The following PHACTR1 variants were observed in gnomAD, a reference collection of about 807,000 sequenced individuals.
The protein encoded by PHACTR1 is RPEL repeat containing 1.
In PHACTR1, 16 loss-of-function variants were observed where a neutral mutation model predicts 69.2. The observed-to-expected ratio is 0.23, with a 90% confidence interval of 0.16 to 0.35. The LOEUF (loss-of-function observed/expected upper bound fraction) is 0.35. PHACTR1 is among the 10% of genes least tolerant of loss of function. PHACTR1 has a pLI of 1.00. For synonymous variants in PHACTR1, 312 were observed against 284.5 expected (o/e 1.10, Z -0.97); for missense variants, 510 against 734.7 (o/e 0.69, Z 3.54).
chr6:12,717,227 A>T (rs1304210434), intron 1 of PHACTR1, among the ~76,000 whole-genome samples: 1 of 152,184 alleles, frequency 6.6e-6, no homozygotes, highest in Non-Finnish European at 1.5e-5. Flanking sequence ...TAGGGTAATA[A>T]CTGGTGCCCC....
At chr6:12,781,201 G>A (rs560416872) in intron 4 of PHACTR1, among the ~76,000 whole-genome samples, 38 of 152,248 alleles carry the variant, frequency 2.5e-4, no homozygotes, top group African/African-American at 8.4e-4. Context: ...AGACCTAGAG[G>A]CATCCCCTGC....
chr6:13,151,749 A>G (rs1238066894), intron 5 of PHACTR1, among the ~76,000 whole-genome samples: 3 of 152,208 alleles, frequency 2.0e-5, no homozygotes, highest in African/African-American at 7.2e-5. Flanking sequence ...TGGTATTTGT[A>G]TATGGTCTGG....
chr6:13,043,678 A>G (rs1339306776), intron 4 of PHACTR1, among the ~76,000 whole-genome samples: 1 of 152,252 alleles, frequency 6.6e-6, no homozygotes, highest in African/African-American at 2.4e-5. Flanking sequence ...TATTTGGCTT[A>G]ACAGAAAGAG....
chr6:13,059,554 T>G (rs1223948088), intron 5 of PHACTR1, among the ~76,000 whole-genome samples: 1 of 151,786 alleles, frequency 6.6e-6, no homozygotes, highest in East Asian at 1.9e-4. Flanking sequence ...ATTACCTTGA[T>G]TGTGGTGATG....
intron 4 of PHACTR1, among the ~76,000 whole-genome samples, chr6:12,887,143 T>C (rs1783721821): frequency 6.6e-6 from 1 of 152,172 alleles, no homozygotes; most frequent in South Asian, 2.1e-4. Flanking sequence ...CTCCTTTTAC[T>C]TTACTTCAGC....
chr6:13,027,173 C>G (rs1385540716), intron 4 of PHACTR1, among the ~76,000 whole-genome samples: 2 of 152,114 alleles, frequency 1.3e-5, no homozygotes, highest in Admixed American at 1.3e-4. Flanking sequence ...CGAGTACCTG[C>G]TCCTTTGGTC....
At chr6:12,891,405 T>C (rs1306729545) in intron 4 of PHACTR1, among the ~76,000 whole-genome samples, 2 of 152,224 alleles carry the variant, frequency 1.3e-5, no homozygotes, top group Non-Finnish European at 2.9e-5. Context: ...CCTCCCTAAA[T>C]GTTCTGACTT....
chr6:13,078,311 CCTGT>C (rs1238355134), intron 5 of PHACTR1, among the ~76,000 whole-genome samples: 14 of 152,268 alleles, frequency 9.2e-5, no homozygotes, highest in Admixed American at 9.2e-4. Context: ...TCCCTGTGTG[CCTGT>C]CTGTCTCCAA....
chr6:12,946,759 C>G (rs1267464606), intron 4 of PHACTR1, among the ~76,000 whole-genome samples: 2 of 149,442 alleles, frequency 1.3e-5, no homozygotes, highest in Non-Finnish European at 3.0e-5. Context: ...GTAGAGGGCT[C>G]AGAGTCAAAA....
At chr6:13,169,467 G>A (rs2113623631) in intron 6 of PHACTR1, among the ~76,000 whole-genome samples, 1 of 152,230 alleles carries the variant, frequency 6.6e-6, no homozygotes, top group East Asian at 1.9e-4. Flanking sequence ...AAATAAGGTG[G>A]CCCTGATAGA....
chr6:12,780,086 G>T (rs1002212564), intron 4 of PHACTR1, among the ~76,000 whole-genome samples: 1 of 152,154 alleles, frequency 6.6e-6, no homozygotes, highest in Non-Finnish European at 1.5e-5. Context: ...TGCTGGAGGT[G>T]GAAGCCAGGA....
At chr6:13,220,015 A>G (rs1171459454) in intron 8 of PHACTR1, among the ~76,000 whole-genome samples, 1 of 152,140 alleles carries the variant, frequency 6.6e-6, no homozygotes, top group East Asian at 1.9e-4. Context: ...TTCATAAACA[A>G]TCAAGATAAT....
At chr6:12,772,528 G>A (rs554744897) in intron 4 of PHACTR1, among the ~76,000 whole-genome samples, 13 of 152,164 alleles carry the variant, frequency 8.5e-5, no homozygotes, top group African/African-American at 3.1e-4. Flanking sequence ...AAGATATTTT[G>A]TGCCTACTTT....
At chr6:12,794,881 G>A (rs988533426) in intron 4 of PHACTR1, among the ~76,000 whole-genome samples, 7 of 152,100 alleles carry the variant, frequency 4.6e-5, no homozygotes, top group African/African-American at 1.7e-4. Context: ...GATGACAGAG[G>A]GCATTGTAGG....
At chr6:12,761,347 T>C (rs1162009345) in intron 4 of PHACTR1, among the ~76,000 whole-genome samples, 1 of 152,224 alleles carries the variant, frequency 6.6e-6, no homozygotes, top group Non-Finnish European at 1.5e-5. Context: ...TACAGCCTAA[T>C]AGCCCAGAAA....
At chr6:12,849,934 A>G (rs1386946291) in intron 4 of PHACTR1, among the ~76,000 whole-genome samples, 1 of 152,212 alleles carries the variant, frequency 6.6e-6, no homozygotes, top group Non-Finnish European at 1.5e-5. Flanking sequence ...ATTCAAAATT[A>G]GGTGAGTCAT....
chr6:13,283,390 C>A lies in PHACTR1; in HGVS notation c.1510-32C>A. ...CAAGTGCCATGGTCAACCCTTCTGGCTGACTGGGTCCATCTCTCTCCCTCC... is the reference window on the plus strand; with the variant it reads ...CAAGTGCCATGGTCAACCCTTCTGGATGACTGGGTCCATCTCTCTCCCTCC... On this transcript the variant is annotated intron_variant, in intron 12 of 14. Coordinates refer to ENST00000332995, the MANE Select transcript of PHACTR1 (RefSeq NM_030948.6). The surrounding 1 kb of genome is among the most constrained non-coding windows in gnomAD (Gnocchi z 4.7). 1 of 1,609,698 alleles carries A rather than the reference C, an allele frequency of 6.2e-7. No homozygotes were observed. The highest frequency in any genetic ancestry group is 1.1e-5 in the South Asian group (1 of 90,916).
At chr6:12,815,497 A>G (rs1775481467) in intron 4 of PHACTR1, among the ~76,000 whole-genome samples, 1 of 152,224 alleles carries the variant, frequency 6.6e-6, no homozygotes, top group South Asian at 2.1e-4. Flanking sequence ...AGTGGTTGCT[A>G]ATGAAGCTTA....
chr6:12,904,743 A>G (rs1337044159), intron 4 of PHACTR1, among the ~76,000 whole-genome samples: 1 of 151,998 alleles, frequency 6.6e-6, no homozygotes, highest in African/African-American at 2.4e-5. Flanking sequence ...CACAATCAGA[A>G]CCCCATCCAA....
Sources: gnomAD v4.1 joint callset for allele counts (sites outside exome capture counted in the v4.1 genomes callset) on GRCh38, gnomAD v4.1.1 for gene constraint, Gnocchi (gnomAD v3.1) non-coding constraint, MANE v1.5 for transcripts, NCBI Gene and HGNC (gene_info 2026-07-23, HGNC 2026-07-21) for gene names.